DOCK10: variants seen among roughly 807,000 people sequenced by gnomAD.
DOCK10 encodes dedicator of cytokinesis 10.
A neutral mutation model predicts 280.1 loss-of-function variants in DOCK10; 145 were observed. The observed-to-expected ratio is 0.52, with a 90% CI of 0.45 to 0.59. The LOEUF (loss-of-function observed/expected upper bound fraction) is 0.59, where lower values mean the gene tolerates loss of function less well. Ranked by LOEUF, DOCK10 falls within the 20% of genes least tolerant of loss-of-function variation. The probability of loss-of-function intolerance (pLI) is 0.00; values close to 1 mark genes in which losing one functional copy is unlikely to be tolerated. For missense variants in DOCK10, 2,368 were observed against 2,651.7 expected (o/e 0.89, Z 2.35); for synonymous variants, 915 against 942.2 (o/e 0.97, Z 0.53).
intron 23 of DOCK10, among the ~76,000 whole-genome samples, chr2:224,841,443 G>T (rs1203708515): frequency 6.6e-6 from 1 of 152,004 alleles, no homozygotes; most frequent in Non-Finnish European, 1.5e-5. Flanking sequence ...TTCAGAACTT[G>T]AGTATGAACA....
intron 3 of DOCK10, among the ~76,000 whole-genome samples, chr2:224,911,019 T>C (rs1444248815): frequency 3.3e-5 from 5 of 151,890 alleles, no homozygotes; most frequent in Non-Finnish European, 5.9e-5. Context: ...AGAAAAAATA[T>C]GATAAGAAGA....
intron 41 of DOCK10, among the ~76,000 whole-genome samples, chr2:224,799,147 T>G (rs1250100503): frequency 2.0e-5 from 3 of 152,142 alleles, no homozygotes; most frequent in Admixed American, 1.3e-4. Flanking sequence ...TTTTAAATAC[T>G]TTTTTTTGTA....
chr2:224,940,125 G>C (rs1702943518), intron 1 of DOCK10, among the ~76,000 whole-genome samples: 1 of 152,144 alleles, frequency 6.6e-6, no homozygotes, highest in African/African-American at 2.4e-5. Flanking sequence ...TCTGAATCTT[G>C]AGTGGAAGGA....
chr2:224,853,045 C>A lies in DOCK10; in HGVS notation c.1966G>T (p.Glu656Ter). 2 of 1,612,054 alleles carry A rather than the reference C, an allele frequency of 1.2e-6. No individual in the cohort carries two copies. The highest frequency in any genetic ancestry group is 1.7e-6 in the Non-Finnish European group (2 of 1,178,570). ...AQTEPTVEVE[E>*]FVYDSTKYCR... ...TACTTTGTTGAATCGTAAACAAATT[C>A]TTCCACCTCCACTGTGGGTTCTGTT... Residue 656 changes from glutamate (E) to a stop codon, truncating the protein, a stop_gained, in exon 17 of 56, where the codon GAA (glutamate) becomes TAA (stop). Coordinates refer to ENST00000258390, the MANE Select transcript of DOCK10 (RefSeq NM_014689.3). LOFTEE classifies it high-confidence loss of function.
rs755581173 is a variant in DOCK10 at position 224,816,648 on chromosome 2, C to G, written c.3333G>C (p.Leu1111Phe). 1.2e-6 allele frequency: 2 copies of G among 1,608,256 alleles called. No homozygotes were observed. The highest frequency in any genetic ancestry group is 8.5e-7 in the Non-Finnish European group (1 of 1,176,684). ...TGTTTGCTGATCTTATGGGCAGACA[C>G]AAAGGGATAAAGTGTTCATGTTGAC... ...EVCQHEHFIP[L>F]CLPIRSANIP... The change falls in exon 30 of 56, where the codon TTG becomes TTC. Residue 1111 changes from leucine to phenylalanine, a missense_variant. Coordinates refer to ENST00000258390, the MANE Select transcript of DOCK10 (RefSeq NM_014689.3).
rs1013533579 is a variant in DOCK10, at chr2:224,801,301, A to C, written c.4393+615T>G. Among the ~76,000 whole-genome samples, 168 of 148,252 alleles carry C rather than the reference A, an allele frequency of 1.1e-3. 1 individual carries two copies. The highest frequency in any genetic ancestry group is 0.01 in the Admixed American group (156 of 15,074). On this transcript the variant is annotated intron_variant, in intron 40 of 55. Coordinates refer to ENST00000258390, the MANE Select transcript of DOCK10 (RefSeq NM_014689.3). Reference sequence around the variant, plus strand: ...ACATGGCAAAAAAAAAAAAAAAAAAAAACATATTTGGGGATAAAATATTTT... The same window carrying C: ...ACATGGCAAAAAAAAAAAAAAAAAACAACATATTTGGGGATAAAATATTTT...
intron 31 of DOCK10, among the ~76,000 whole-genome samples, chr2:224,812,178 G>A (rs1693827864): frequency 6.6e-6 from 1 of 152,086 alleles, no homozygotes; most frequent in Admixed American, 6.6e-5. Flanking sequence ...GTGGTTTGTA[G>A]TTCTCCTTGA....
chr2:224,824,842 G>A, intron 27 of DOCK10, among the ~76,000 whole-genome samples: 1 of 152,056 alleles, frequency 6.6e-6, no homozygotes, highest in East Asian at 1.9e-4. Context: ...ACTGAACTGT[G>A]TATTTCTAAA....
intron 28 of DOCK10, 24 bp downstream of exon 28, chr2:224,823,477 A>C (rs1694641902): frequency 6.4e-7 from 1 of 1,553,012 alleles, no homozygotes; most frequent in African/African-American, 1.4e-5. Context: ...CCTTGAATAG[A>C]ACTGCGATCT....
chr2:224,945,508 G>A (rs1446847395), intron 1 of DOCK10, among the ~76,000 whole-genome samples: 1 of 152,094 alleles, frequency 6.6e-6, no homozygotes, highest in Non-Finnish European at 1.5e-5. Context: ...TCCTGAGATA[G>A]AAACTGAACA....
At chr2:225,016,563 A>ATCTATATGCACATAGATACATG in intron 1 of DOCK10, among the ~76,000 whole-genome samples, 1 of 134,648 alleles carries the variant, frequency 7.4e-6, no homozygotes, top group African/African-American at 2.9e-5. Flanking sequence ...ATAGATACAT[A>ATCTATATGCACATAGATACATG]TATCTATGTG....
At chr2:224,773,449 G>A (rs1349366489) in intron 52 of DOCK10, 102 bp from the exon 53 acceptor site, 6 of 1,031,422 alleles carry the variant, frequency 5.8e-6, no homozygotes, top group Non-Finnish European at 5.7e-6. Context: ...CACGGCACAT[G>A]GCACCTTCCA....
chr2:224,777,992 A>G (rs1690994601), intron 51 of DOCK10, 146 bp downstream of exon 51: 2 of 790,838 alleles, frequency 2.5e-6, no homozygotes, highest in Non-Finnish European at 3.9e-6. Flanking sequence ...TCAAATTACC[A>G]ACCAACAGGC....
chr2:224,771,089 C>G (rs2124953261), intron 53 of DOCK10, among the ~76,000 whole-genome samples: 1 of 152,102 alleles, frequency 6.6e-6, no homozygotes, highest in South Asian at 2.1e-4. Flanking sequence ...TACTACCATG[C>G]CTGGCTAATT....
At chr2:224,829,281 G>A (rs1046001581) in intron 27 of DOCK10, among the ~76,000 whole-genome samples, 2 of 152,184 alleles carry the variant, frequency 1.3e-5, no homozygotes, top group African/African-American at 4.8e-5. Flanking sequence ...TGGGTTCAAA[G>A]ATCCCCCCAA....
At chr2:224,941,312 C>T (rs962997527) in intron 1 of DOCK10, among the ~76,000 whole-genome samples, 9 of 151,934 alleles carry the variant, frequency 5.9e-5, no homozygotes, top group Non-Finnish European at 1.2e-4. Flanking sequence ...CTATAGTCCA[C>T]TCCACTCCAC....
intron 1 of DOCK10, among the ~76,000 whole-genome samples, chr2:225,006,372 G>A (rs931657093): frequency 1.3e-5 from 2 of 152,200 alleles, no homozygotes; most frequent in Admixed American, 6.5e-5. Context: ...GAGGAGGAAC[G>A]TACAAAGGCC....
chr2:224,831,643 A>G (rs1368881340), intron 26 of DOCK10, among the ~76,000 whole-genome samples: 1 of 152,210 alleles, frequency 6.6e-6, no homozygotes, highest in Non-Finnish European at 1.5e-5. Context: ...AGCAGTACAC[A>G]CCTGTTCCTA....
intron 14 of DOCK10, among the ~76,000 whole-genome samples, chr2:224,858,579 G>C (rs960754577): frequency 2.5e-4 from 38 of 152,166 alleles, no homozygotes; most frequent in African/African-American, 7.2e-4. Flanking sequence ...GCTTGAACCT[G>C]GGGGGCGAAG....
Sources: gnomAD v4.1 joint callset for allele counts (sites outside exome capture counted in the v4.1 genomes callset) on GRCh38, gnomAD v4.1.1 for gene constraint, MANE v1.5 for transcripts, NCBI Gene and HGNC (gene_info 2026-07-23, HGNC 2026-07-21) for gene names.